The following GRIN2A variants were observed in gnomAD, a reference collection of about 807,000 sequenced individuals.
GRIN2A encodes glutamate ionotropic receptor NMDA type subunit 2A, also known as glutamate receptor ionotropic, NMDA 2A.
A neutral mutation model predicts 113.4 loss-of-function variants in GRIN2A; 22 were observed. The observed-to-expected ratio is 0.19, with a 90% CI of 0.14 to 0.28. The LOEUF is 0.28. Among genes scored for constraint, GRIN2A ranks in the 10% least tolerant of loss-of-function variants. The pLI, the probability that GRIN2A is intolerant of heterozygous loss-of-function variation, is 1.00. For missense variants in GRIN2A, 1,502 were observed against 1,887.0 expected, an observed-to-expected ratio of 0.80 and a Z score of 3.78; for synonymous variants, 827 against 738.4, an observed-to-expected ratio of 1.12 and a Z score of -1.94.
chr16:10,056,811 G>A (rs1434862249), intron 2 of GRIN2A, among the ~76,000 whole-genome samples: 1 of 152,126 alleles, frequency 6.6e-6, no homozygotes, highest in Non-Finnish European at 1.5e-5. Context: ...CTTGGAAAGA[G>A]AACAGTAATG....
At chr16:9,769,157 G>T in intron 11 of GRIN2A, 68 bp from the exon 12 acceptor site, 1 of 1,220,374 alleles carries the variant, frequency 8.2e-7, no homozygotes. Flanking sequence ...ACGCTTCTGG[G>T]TTTGGAACAG....
chr16:10,013,209 T>A (rs913185927), intron 2 of GRIN2A, among the ~76,000 whole-genome samples: 1 of 152,234 alleles, frequency 6.6e-6, no homozygotes. Flanking sequence ...TTTTCGTGAA[T>A]ACTCATTGGA....
At chr16:9,863,212 T>G (rs1402571875) in intron 4 of GRIN2A, among the ~76,000 whole-genome samples, 1 of 152,188 alleles carries the variant, frequency 6.6e-6, no homozygotes, top group African/African-American at 2.4e-5. Context: ...TAAGGGAATA[T>G]TTCATGGATC....
rs1222184544 is a variant in GRIN2A, at chr16:10,180,969, C to T, written c.-18-540G>A. On this transcript the variant is annotated intron_variant, in intron 1 of 12. Transcript: ENST00000330684. This position sits in a 1 kb window ranked among gnomAD's most constrained non-coding sequence, Gnocchi z 7.0. ...CTTGAGAGCTCAGCTAGTTGGCTGACCCCGCCCCCTACGAGCCCGTCGTGT... is the reference window on the plus strand; with the variant it reads ...CTTGAGAGCTCAGCTAGTTGGCTGATCCCGCCCCCTACGAGCCCGTCGTGT... 1.3e-5 allele frequency among the ~76,000 whole-genome samples: 2 copies of T among 152,218 alleles called. No homozygotes were observed. The highest frequency in any genetic ancestry group is 2.4e-5 in the African/African-American group (1 of 41,454).
At chr16:10,024,921 G>C (rs1041309643) in intron 2 of GRIN2A, among the ~76,000 whole-genome samples, 1 of 152,062 alleles carries the variant, frequency 6.6e-6, no homozygotes, top group Non-Finnish European at 1.5e-5. Context: ...TCAAAACAGA[G>C]CCTCCCACAA....
intron 2 of GRIN2A, among the ~76,000 whole-genome samples, chr16:10,008,047 T>C (rs1181658493): frequency 3.9e-5 from 6 of 152,184 alleles, no homozygotes; most frequent in Non-Finnish European, 5.9e-5. Context: ...AGAAAGTACA[T>C]GGCATACAGT....
At chr16:10,018,798 C>G (rs995754938) in intron 2 of GRIN2A, among the ~76,000 whole-genome samples, 3 of 152,176 alleles carry the variant, frequency 2.0e-5, no homozygotes, top group Non-Finnish European at 4.4e-5. Context: ...CTCTGATTCT[C>G]TAGGTCCCAG....
At chr16:10,054,735 A>T (rs746523047) in intron 2 of GRIN2A, among the ~76,000 whole-genome samples, 3 of 152,158 alleles carry the variant, frequency 2.0e-5, no homozygotes, top group African/African-American at 7.2e-5. Flanking sequence ...AAATCTCAAT[A>T]ACATAATACT....
intron 4 of GRIN2A, among the ~76,000 whole-genome samples, chr16:9,865,167 A>T (rs2043141569): frequency 6.6e-6 from 1 of 152,190 alleles, no homozygotes; most frequent in Admixed American, 6.5e-5. Context: ...AAACAGTAAT[A>T]AGCTTAACGA....
At chr16:9,948,325 C>T (rs1328105248) in intron 2 of GRIN2A, among the ~76,000 whole-genome samples, 1 of 152,196 alleles carries the variant, frequency 6.6e-6, no homozygotes, top group Non-Finnish European at 1.5e-5. Flanking sequence ...ATAAGAATCA[C>T]CTTGGATCTT....
chr16:9,776,552 A>C (rs1218297765), intron 11 of GRIN2A, among the ~76,000 whole-genome samples: 1 of 152,112 alleles, frequency 6.6e-6, no homozygotes, highest in Non-Finnish European at 1.5e-5. Context: ...GGTGAGGAAT[A>C]GATTCTGAAA....
chr16:10,021,027 C>T (rs962373979), intron 2 of GRIN2A, among the ~76,000 whole-genome samples: 2 of 152,168 alleles, frequency 1.3e-5, no homozygotes, highest in Admixed American at 6.5e-5. Flanking sequence ...CAGCTTCAGA[C>T]TCATTAACAT....
chr16:10,084,742 CACTT>C (rs1395890881), intron 2 of GRIN2A, among the ~76,000 whole-genome samples: 3 of 32,702 alleles, frequency 9.2e-5, no homozygotes, highest in African/African-American at 2.0e-4. Flanking sequence ...CACCACCTGA[CACTT>C]TATTTATTTA....
rs570677778 is a variant in GRIN2A, at chr16:10,039,690, C to A, written c.415-101139G>T. Among the ~76,000 whole-genome samples the A allele has an allele frequency of 3.3e-5, 5 of 150,714 alleles. No individual in the cohort carries two copies. The South Asian group carries it at 1.1e-3, about 32-fold the overall frequency. On this transcript the variant is annotated intron_variant, in intron 2 of 12. Transcript: ENST00000330684. Reference sequence around the variant, plus strand: ...CTGCTCGCTCTACTCCTGGGAGGGGCCTTTCGAAGGACCAGGTGCTGGGCA... The same window carrying A: ...CTGCTCGCTCTACTCCTGGGAGGGGACTTTCGAAGGACCAGGTGCTGGGCA...
intron 2 of GRIN2A, among the ~76,000 whole-genome samples, chr16:10,033,371 A>G (rs1344816266): frequency 6.6e-6 from 1 of 152,224 alleles, no homozygotes; most frequent in Non-Finnish European, 1.5e-5. Flanking sequence ...TGCCGCTATC[A>G]GAAACCCAGA....
intron 4 of GRIN2A, among the ~76,000 whole-genome samples, chr16:9,873,938 T>C (rs2043314575): frequency 6.6e-6 from 1 of 152,260 alleles, no homozygotes; most frequent in Non-Finnish European, 1.5e-5. Context: ...CCGATTCAAA[T>C]TGTTTGTTTC....
rs1323077864 is a variant in GRIN2A at position 10,180,046 on chromosome 16, G to A, written c.366C>T (p.Val122=). ...MLDFISSHTF[V]PILGIHGGAS... ...CGCCCCCATGAATGCCCAAGATGGG[G>A]ACGAAGGTGTGGGAGGAGATAAAAT... The change falls in exon 2 of 13, where the codon GTC becomes GTT. Residue 122 remains valine (V), a synonymous_variant. Coordinates refer to ENST00000330684, the MANE Select transcript of GRIN2A (RefSeq NM_001134407.3). The surrounding 1 kb of genome is among the most constrained non-coding windows in gnomAD (Gnocchi z 7.0). 9 of 1,613,972 alleles carry A rather than the reference G, an allele frequency of 5.6e-6. No individual in the cohort carries two copies. The highest frequency in any genetic ancestry group is 1.3e-5 in the African/African-American group (1 of 74,944).
intron 8 of GRIN2A, among the ~76,000 whole-genome samples, chr16:9,832,135 T>C (rs1005211903): frequency 2.8e-5 from 4 of 144,258 alleles, no homozygotes; most frequent in Admixed American, 2.1e-4. Flanking sequence ...TATTTATTTA[T>C]TGTAGAGATG....
chr16:10,181,166 T>TTCACTCAACTGCAAGTGGGCCCAGGAC (rs1567355639), intron 1 of GRIN2A, among the ~76,000 whole-genome samples: 1 of 1,120 alleles, frequency 8.9e-4, no homozygotes, highest in Non-Finnish European at 4.1e-3. Flanking sequence ...TGGAGAGTCC[T>TTCACTCAACTGCAAGTGGGCCCAGGAC]TCACCCCTAC....
Sources: allele counts gnomAD v4.1 joint callset (sites outside exome capture counted in the v4.1 genomes callset), GRCh38; gene constraint gnomAD v4.1.1; non-coding constraint Gnocchi (gnomAD v3.1); transcripts MANE v1.5; gene names NCBI Gene and HGNC (gene_info 2026-07-23, HGNC 2026-07-21).